CLGN: variants seen among roughly 807,000 people sequenced by gnomAD.
CLGN encodes calmegin.
In CLGN, 62 loss-of-function variants were observed where a neutral mutation model predicts 79.1. The observed-to-expected ratio is 0.78, with a 90% confidence interval of 0.64 to 0.97. CLGN has a LOEUF of 0.97. Among genes scored for constraint, CLGN ranks in the 50% least tolerant of loss-of-function variants. CLGN has a pLI of 0.00. For synonymous variants in CLGN, 225 were observed against 224.7 expected (o/e 1.00, Z -0.01); for missense variants, 647 against 715.5 (o/e 0.90, Z 1.09).
intron 8 of CLGN, 47 bp downstream of exon 8, chr4:140,398,804 T>C (rs1195470920): frequency 1.3e-6 from 2 of 1,505,458 alleles, no homozygotes; most frequent in Admixed American, 1.8e-5. Flanking sequence ...GTTGTTTCAT[T>C]ACCTAGTTAT....
In CLGN at chr4:140,395,841, A is replaced by C. The variant is rs760053643; in HGVS notation, c.1127T>G (p.Leu376Arg). 1 of 1,524,346 alleles carries C rather than the reference A, an allele frequency of 6.6e-7. No homozygotes were observed. The highest frequency in any genetic ancestry group is 1.4e-5 in the African/African-American group (1 of 71,924). 94.4% of individuals were successfully genotyped at this position (1,524,346 alleles called of 1,614,324 possible). The change falls in exon 10 of 15, where the codon CTG becomes CGG. Residue 376 changes from leucine (L) to arginine (R), a missense_variant. By Grantham distance (102) the Leu-to-Arg change is moderately radical. Transcript: ENST00000325617. ...TACCTGATAGTTAGGATTATCGACC[A>C]GTGGAGGTCTCCATACTCCTTTGTA... Reference protein sequence around the residue: ...PKYKGVWRPPLVDNPNYQGIW... With the variant: ...PKYKGVWRPPRVDNPNYQGIW...
chr4:140,389,881 G>T (rs1728740756), intron 14 of CLGN, among the ~76,000 whole-genome samples: 1 of 151,774 alleles, frequency 6.6e-6, no homozygotes, highest in African/African-American at 2.4e-5. Flanking sequence ...ACATGCAAGA[G>T]CAGGCAGAAC....
At chr4:140,401,160 A>G (rs1412049539) in intron 6 of CLGN, among the ~76,000 whole-genome samples, 3 of 152,174 alleles carry the variant, frequency 2.0e-5, no homozygotes, top group African/African-American at 7.2e-5. Context: ...CCTCTGAAGT[A>G]TGGAGATGAT....
At chr4:140,413,445 T>C (rs895902266) in intron 1 of CLGN, among the ~76,000 whole-genome samples, 2 of 152,126 alleles carry the variant, frequency 1.3e-5, no homozygotes, top group Non-Finnish European at 1.5e-5. Context: ...TCTGAGGTAC[T>C]GGGTTCATCT....
chr4:140,397,765 G>A (rs943659923), intron 8 of CLGN, among the ~76,000 whole-genome samples: 5 of 151,994 alleles, frequency 3.3e-5, no homozygotes, highest in South Asian at 4.2e-4. Flanking sequence ...TTAGCCGGGC[G>A]TGGTGGCGCT....
chr4:140,389,773 G>A (rs1001671713), intron 14 of CLGN, among the ~76,000 whole-genome samples: 6 of 151,744 alleles, frequency 4.0e-5, no homozygotes, highest in Non-Finnish European at 5.9e-5. Flanking sequence ...CCAGCAAACA[G>A]TATGTGTACT....
intron 10 of CLGN, among the ~76,000 whole-genome samples, chr4:140,395,535 A>T (rs1383703666): frequency 6.6e-6 from 1 of 152,222 alleles, no homozygotes; most frequent in East Asian, 1.9e-4. Context: ...AGTCTATTTG[A>T]TCAAAATTCA....
rs1728723243 is a variant in CLGN at position 140,388,896 on chromosome 4, T to G, written c.*328A>C. On this transcript the variant is annotated 3_prime_UTR_variant, in exon 15 of 15. Transcript: ENST00000325617. ...AGTGGAAATTCCAATAACTGATTTT[T>G]CCAATAGCAATGAAGCTGCTACATA... The G allele has an allele frequency of 4.9e-6, 1 of 204,548 alleles. No individual in the cohort carries two copies. Among genetic ancestry groups the G allele is most frequent in the Non-Finnish European group, 9.8e-6 (1 of 101,636 alleles). 12.7% of individuals were successfully genotyped at this position (204,548 alleles called of 1,614,324 possible). A position where few individuals can be genotyped will look rare whatever the true frequency, so the allele number is the denominator to read the frequency against.
chr4:140,424,387 C>A (rs972556044), intron 1 of CLGN, among the ~76,000 whole-genome samples: 2 of 152,068 alleles, frequency 1.3e-5, no homozygotes, highest in Non-Finnish European at 2.9e-5. Context: ...TGTATGATTT[C>A]AATCTTTTAA....
At chr4:140,414,335 AC>A (rs1489034768) in intron 1 of CLGN, among the ~76,000 whole-genome samples, 3 of 151,802 alleles carry the variant, frequency 2.0e-5, no homozygotes, top group Admixed American at 6.6e-5. Context: ...CAGCAACGGA[AC>A]AAAGCTGGAT....
Position 140,395,936 on chromosome 4 carries a change from A to C in CLGN, c.1032T>G (p.Pro344=). ...NEDTDGEWEA[P]QILNPACRIG... is the part of the protein sequence containing the mutation. ...TCCGACATGCTGGATTAAGAATCTG[A>C]GGTGCCTCCCATTCTCCATCCGTGT... The change falls in exon 10 of 15, where the codon CCT becomes CCG. Residue 344 remains proline, a synonymous_variant. Coordinates refer to ENST00000325617, the MANE Select transcript of CLGN (RefSeq NM_004362.3). The C allele has an allele frequency of 6.2e-7, 1 of 1,601,712 alleles. No individual in the cohort carries two copies. The highest frequency in any genetic ancestry group is 1.7e-5 in the Admixed American group (1 of 57,384).
At chr4:140,408,154 T>C (rs1364409456) in intron 4 of CLGN, among the ~76,000 whole-genome samples, 1 of 151,908 alleles carries the variant, frequency 6.6e-6, no homozygotes, top group Admixed American at 6.6e-5. Flanking sequence ...GGATCCTTAC[T>C]TGTCACCTTA....
At chr4:140,391,805 T>C (rs1728778072) in intron 13 of CLGN, among the ~76,000 whole-genome samples, 1 of 151,950 alleles carries the variant, frequency 6.6e-6, no homozygotes, top group Admixed American at 6.6e-5. Context: ...TGACTAACAA[T>C]AGCTGTTGGA....
intron 1 of CLGN, among the ~76,000 whole-genome samples, chr4:140,422,474 T>C (rs2126635600): frequency 6.6e-6 from 1 of 152,362 alleles, no homozygotes; most frequent in African/African-American, 2.4e-5. Flanking sequence ...AGTATTTTAC[T>C]TCCTTGATTT....
intron 8 of CLGN, among the ~76,000 whole-genome samples, chr4:140,397,871 T>G (rs1387435838): frequency 6.6e-6 from 1 of 152,196 alleles, no homozygotes; most frequent in African/African-American, 2.4e-5. Context: ...GCCATTGCAT[T>G]CTAACCTGGG....
Position 140,410,610 on chromosome 4 carries a change from G to A in CLGN, c.161C>T (p.Pro54Leu). 6.3e-7 allele frequency: 1 copy of A among 1,592,556 alleles called. No individual in the cohort carries two copies. Among genetic ancestry groups the A allele is most frequent in the Non-Finnish European group, 8.6e-7 (1 of 1,161,522 alleles). The change falls in exon 3 of 15, where the codon CCT becomes CTT. Residue 54 changes from proline to leucine, a missense_variant. Coordinates refer to ENST00000325617, the MANE Select transcript of CLGN (RefSeq NM_004362.3). The stretch of plus-strand genomic sequence containing the variant: ...AAAATATACTTCTCCTATAGGTTGA[G>A]GTGTCTTATATTTAATCTAGAAAAG... Reference protein sequence around the residue: ...ELSSEIKYKTPQPIGEVYFAE... With the variant: ...ELSSEIKYKTLQPIGEVYFAE...
intron 11 of CLGN, 22 bp from the exon 12 acceptor site, chr4:140,392,733 A>C: frequency 6.5e-7 from 1 of 1,542,500 alleles, no homozygotes; most frequent in Non-Finnish European, 8.7e-7. Flanking sequence ...ATAAGCATAA[A>C]AATGCAATTC....
intron 14 of CLGN, 44 bp from the exon 15 acceptor site, chr4:140,389,348 T>A: frequency 7.3e-7 from 1 of 1,360,560 alleles, no homozygotes; most frequent in Non-Finnish European, 1.0e-6. Context: ...GTATAACACA[T>A]AACTAGTAGA....
chr4:140,400,262 G>A (rs1728973134), intron 7 of CLGN, 95 bp downstream of exon 7: 1 of 808,070 alleles, frequency 1.2e-6, no homozygotes. Context: ...CCTTCAGGAT[G>A]GGGTACACAT....
Sources: allele counts gnomAD v4.1 joint callset (sites outside exome capture counted in the v4.1 genomes callset), GRCh38; gene constraint gnomAD v4.1.1; transcripts MANE v1.5; gene names NCBI Gene and HGNC (gene_info 2026-07-23, HGNC 2026-07-21).